FAM13A: variants seen among roughly 807,000 people sequenced by gnomAD.
The protein encoded by FAM13A is protein FAM13A.
In FAM13A, 76 loss-of-function variants were observed where a neutral mutation model predicts 129.6. That is an observed-to-expected ratio of 0.59 (90% CI 0.49 to 0.71). FAM13A has a LOEUF of 0.71. Among genes scored for constraint, FAM13A ranks in the 30% least tolerant of loss-of-function variants. The pLI is 0.00. For synonymous variants in FAM13A, 443 were observed against 449.9 expected (o/e 0.98, Z 0.20); for missense variants, 1,108 against 1,249.3 (o/e 0.89, Z 1.70).
chr4:88,787,904 C>T lies in FAM13A; in HGVS notation c.1120G>A (p.Val374Ile). 3.1e-6 allele frequency: 5 copies of T among 1,613,266 alleles called. No individual in the cohort carries two copies. The highest frequency in any genetic ancestry group is 1.3e-5 in the African/African-American group (1 of 74,966). The part of the protein sequence containing the change: ...ELLERTIRSA[V>I]EQHLFDVNNS... ...TTAACATCAAAAAGATGTTGTTCTA[C>T]AGCTGATCGGATGGTTCTTTCTAAG... The change falls in exon 10 of 24, where the codon GTA (valine) becomes ATA (isoleucine). Residue 374 changes from valine to isoleucine, a missense_variant. Val to Ile is a conservative substitution (Grantham distance 29, BLOSUM62 3). Transcript: ENST00000264344.
chr4:88,772,172 C>CCTTCAGAT (rs1294575365), intron 11 of FAM13A, among the ~76,000 whole-genome samples: 2 of 152,168 alleles, frequency 1.3e-5, no homozygotes, highest in African/African-American at 4.8e-5. Context: ...TACAGGAATG[C>CCTTCAGAT]TGTTAGTCAA....
At chr4:88,834,245 T>C (rs1340572140) in intron 7 of FAM13A, among the ~76,000 whole-genome samples, 9 of 151,394 alleles carry the variant, frequency 5.9e-5, no homozygotes, top group Admixed American at 5.3e-4. Context: ...AAAATTAGAC[T>C]CAGTGCATCA....
chr4:88,970,010 C>G (rs1759859776), intron 4 of FAM13A, among the ~76,000 whole-genome samples: 1 of 152,180 alleles, frequency 6.6e-6, no homozygotes, highest in Non-Finnish European at 1.5e-5. Context: ...AAACTGGTCA[C>G]CCAGCCTCTT....
At chr4:89,015,560 G>A (rs1049726692) in intron 3 of FAM13A, among the ~76,000 whole-genome samples, 1 of 152,178 alleles carries the variant, frequency 6.6e-6, no homozygotes, top group Non-Finnish European at 1.5e-5. Flanking sequence ...CTTAACTTTT[G>A]TTTGTATTAA....
At chr4:88,814,827 G>A (rs909432321) in intron 7 of FAM13A, among the ~76,000 whole-genome samples, 3 of 151,646 alleles carry the variant, frequency 2.0e-5, no homozygotes, top group African/African-American at 7.3e-5. Flanking sequence ...TTTCTAGTAA[G>A]TTCAAGTTTT....
intron 6 of FAM13A, among the ~76,000 whole-genome samples, chr4:88,872,330 A>C (rs1224184686): frequency 1.3e-5 from 2 of 152,230 alleles, no homozygotes; most frequent in African/African-American, 2.4e-5. Context: ...AAATGCCCCA[A>C]TTAAAAGACA....
intron 4 of FAM13A, among the ~76,000 whole-genome samples, chr4:88,984,010 G>A (rs1174850735): frequency 6.6e-6 from 1 of 152,126 alleles, no homozygotes; most frequent in Non-Finnish European, 1.5e-5. Context: ...AATAATTGTG[G>A]TCAACTTATT....
intron 5 of FAM13A, 90 bp from the exon 6 acceptor site, chr4:88,906,552 G>C (rs533724994): frequency 2.4e-6 from 2 of 840,392 alleles, no homozygotes; most frequent in Non-Finnish European, 3.8e-6. Context: ...GTTTTGAAGA[G>C]AGAGCATTTC....
chr4:88,985,912 G>C (rs1025256728), intron 4 of FAM13A, among the ~76,000 whole-genome samples: 2 of 149,590 alleles, frequency 1.3e-5, no homozygotes, highest in African/African-American at 4.9e-5. Context: ...GTGAAGAACA[G>C]TGTAAGGAAC....
At chr4:88,750,226 A>G (rs978578366) in intron 15 of FAM13A, among the ~76,000 whole-genome samples, 198 bp downstream of exon 15, 3 of 152,142 alleles carry the variant, frequency 2.0e-5, no homozygotes, top group South Asian at 2.1e-4. Context: ...AGAAAATTCA[A>G]TATGTGATGT....
At chr4:88,898,173 G>A (rs7690839) in intron 6 of FAM13A, among the ~76,000 whole-genome samples, 86,161 of 151,946 alleles carry the variant, frequency 0.57, 24,569 homozygotes, top group Admixed American at 0.6. Flanking sequence ...AGCATATTTC[G>A]TTTAGGAAAT....
chr4:88,997,752 C>T (rs10516827), intron 3 of FAM13A, among the ~76,000 whole-genome samples: 11,529 of 152,064 alleles, frequency 0.076, 582 homozygotes, highest in South Asian at 0.14. Flanking sequence ...ACTGACAAAA[C>T]GCTAATCTCT....
At chr4:88,806,232 TTAAA>T (rs1041616654) in intron 7 of FAM13A, among the ~76,000 whole-genome samples, 4 of 152,146 alleles carry the variant, frequency 2.6e-5, no homozygotes, top group African/African-American at 7.2e-5. Context: ...AGATAAAGTA[TTAAA>T]TAAAATGAAA....
At chr4:89,019,432 C>G (rs1222860376) in intron 3 of FAM13A, among the ~76,000 whole-genome samples, 1 of 152,028 alleles carries the variant, frequency 6.6e-6, no homozygotes, top group Non-Finnish European at 1.5e-5. Flanking sequence ...AGGGAGAACT[C>G]AATAATGACT....
At chr4:88,737,353 G>A in intron 21 of FAM13A, 119 bp downstream of exon 21, 1 of 789,602 alleles carries the variant, frequency 1.3e-6, no homozygotes, top group South Asian at 1.5e-5. Context: ...TTTAGGGAAT[G>A]CTGTAAGAAG....
intron 4 of FAM13A, among the ~76,000 whole-genome samples, chr4:88,985,265 A>T (rs1020078727): frequency 6.6e-6 from 1 of 152,192 alleles, no homozygotes; most frequent in Non-Finnish European, 1.5e-5. Context: ...AAAGTAGATG[A>T]GTGGTTGCCT....
intron 2 of FAM13A, among the ~76,000 whole-genome samples, chr4:89,023,330 A>G (rs1767523555): frequency 6.6e-6 from 1 of 152,260 alleles, no homozygotes; most frequent in Admixed American, 6.5e-5. Context: ...GAAAATTTAG[A>G]GTTTTGTTTC....
At chr4:88,839,465 C>G (rs1381985832) in intron 7 of FAM13A, among the ~76,000 whole-genome samples, 1 of 152,158 alleles carries the variant, frequency 6.6e-6, no homozygotes, top group South Asian at 2.1e-4. Context: ...ATGGAATAGA[C>G]AGTCAATAGA....
intron 7 of FAM13A, among the ~76,000 whole-genome samples, chr4:88,838,341 A>G (rs1735182808): frequency 6.6e-6 from 1 of 152,160 alleles, no homozygotes; most frequent in Admixed American, 6.5e-5. Context: ...GAAGTGCTAA[A>G]ATAAAAGTGC....
Sources: gnomAD v4.1 joint callset for allele counts (sites outside exome capture counted in the v4.1 genomes callset) on GRCh38, gnomAD v4.1.1 for gene constraint, MANE v1.5 for transcripts, NCBI Gene and HGNC (gene_info 2026-07-23, HGNC 2026-07-21) for gene names.